The following F11 variants were observed in gnomAD, a reference collection of about 807,000 sequenced individuals.
The protein encoded by F11 is coagulation factor XI, also known as coagualtion factor XI.
Under a neutral mutation model 76.5 loss-of-function variants are expected in F11, and 78 were observed. The ratio of observed to expected loss-of-function variants is 1.02; its 90% CI spans 0.85 to 1.23. F11 has a LOEUF of 1.23. Among genes scored for constraint, F11 ranks in the 50% most tolerant of loss-of-function variants. F11 has a pLI of 0.00. For synonymous variants in F11, 278 were observed against 276.3 expected (o/e 1.01, Z -0.06); for missense variants, 742 against 771.4 (o/e 0.96, Z 0.45).
At chr4:186,278,409 T>C (rs926416717) in intron 7 of F11, among the ~76,000 whole-genome samples, 4 of 152,214 alleles carry the variant, frequency 2.6e-5, no homozygotes, top group Admixed American at 6.5e-5. Context: ...TAGAATTTGT[T>C]TGGTGCTTAT....
At chr4:186,266,348 A>G (rs1203170665) in intron 1 of F11, 53 bp downstream of exon 1, 2 of 152,208 alleles carry the variant, frequency 1.3e-5, no homozygotes, top group Non-Finnish European at 2.9e-5. Flanking sequence ...ATACGCCTTG[A>G]AATGCTTTTT....
chr4:186,275,558 T>C (rs756461266), intron 5 of F11, among the ~76,000 whole-genome samples: 11 of 152,098 alleles, frequency 7.2e-5, no homozygotes, highest in Non-Finnish European at 1.2e-4. Flanking sequence ...CTCTCCTTCT[T>C]CATGTGGTCA....
intron 13 of F11, among the ~76,000 whole-genome samples, chr4:186,286,963 A>C (rs955184464): frequency 5.3e-5 from 8 of 152,096 alleles, no homozygotes; most frequent in Non-Finnish European, 8.8e-5. Flanking sequence ...ATTTTTATAT[A>C]GACATGAGTT....
chr4:186,281,464 A>C (rs1740801457), intron 10 of F11, among the ~76,000 whole-genome samples: 1 of 152,202 alleles, frequency 6.6e-6, no homozygotes, highest in African/African-American at 2.4e-5. Flanking sequence ...GAGACCTGTA[A>C]TAACATAAAA....
At chr4:186,287,198 T>C (rs187206480) in intron 13 of F11, among the ~76,000 whole-genome samples, 2 of 151,866 alleles carry the variant, frequency 1.3e-5, no homozygotes, top group Admixed American at 1.3e-4. Flanking sequence ...ATGGTCTCAA[T>C]CTCCTGACCT....
At chr4:186,283,252 C>CGT (rs10661556) in intron 10 of F11, among the ~76,000 whole-genome samples, 24,499 of 151,386 alleles carry the variant, frequency 0.16, 2,119 homozygotes, top group Middle Eastern at 0.22. Flanking sequence ...TTTGTGTGCA[C>CGT]GTGTGTGTGT....
intron 10 of F11, chr4:186,282,220 T>C (rs1330692801): frequency 4.1e-6 from 4 of 985,346 alleles, no homozygotes; most frequent in Admixed American, 6.1e-5. Context: ...TTCTTCATTA[T>C]GGTTTTCTCT....
Position 186,280,578 on chromosome 4 carries a change from A to G in F11, c.1133A>G (p.Asn378Ser). ...ACATTAAGGTTGTGTAAAATGGATA[A>G]TGGTGAGTATAATGTCACTTGAAAA... ...GYTLRLCKMD[N>S]ECTTKIKPRI... The change falls in exon 10 of 15, where the codon AAT becomes AGT. Residue 378 changes from asparagine (N) to serine (S), a missense_variant and splice_region_variant. Coordinates refer to ENST00000403665, the MANE Select transcript of F11 (RefSeq NM_000128.4). The G allele has an allele frequency of 1.2e-6, 2 of 1,606,270 alleles. No homozygotes were observed. The highest frequency in any genetic ancestry group is 2.2e-5 in the East Asian group (1 of 44,828).
rs1259752583 is a variant in F11 at position 186,272,348 on chromosome 4, A to G, written c.218+577A>G. On this transcript the variant is annotated intron_variant, in intron 3 of 14. Coordinates refer to ENST00000403665, the MANE Select transcript of F11 (RefSeq NM_000128.4). ...CACTATCCTACACAAAAGACATACG[A>G]AATTTAACAAGAATTCCTTTATATT... 2.0e-5 allele frequency among the ~76,000 whole-genome samples: 3 copies of G among 152,208 alleles called. No individual in the cohort carries two copies. The East Asian group carries it at 5.8e-4, about 29-fold the overall frequency.
At chr4:186,289,857 A>G (rs191035255), downstream of F11, among the ~76,000 whole-genome samples, 4 of 152,048 alleles carry the variant, frequency 2.6e-5, no homozygotes, top group Admixed American at 1.3e-4. Context: ...TAATTTTTGT[A>G]TTTTTAGTAG....
chr4:186,267,089 A>C (rs1433409189), intron 1 of F11, 47 bp from the exon 2 acceptor site: 1 of 1,273,510 alleles, frequency 7.9e-7, no homozygotes, highest in East Asian at 2.3e-5. Context: ...ACTAATTATA[A>C]ATTTACATTT....
chr4:186,283,181 G>GCC (rs1740921859), intron 10 of F11: 6 of 365,020 alleles, frequency 1.6e-5, no homozygotes, highest in African/African-American at 2.2e-5. Flanking sequence ...CAACCCACAG[G>GCC]CACATAAATT....
downstream of F11, among the ~76,000 whole-genome samples, chr4:186,290,446 T>C (rs1002804220): frequency 6.6e-6 from 1 of 152,218 alleles, no homozygotes. Context: ...CAATACTATC[T>C]TGTTACTTGC....
At chr4:186,288,428 C>T (rs370469759) in intron 14 of F11, 25 bp from the exon 15 acceptor site, 12 of 1,613,916 alleles carry the variant, frequency 7.4e-6, no homozygotes, top group Middle Eastern at 1.7e-4. Flanking sequence ...ATCTGTGCAC[C>T]TTTTCTTGTC....
Position 186,289,297 on chromosome 4 carries a change from C to G in F11, c.*683C>G, listed in dbSNP as rs1580111581. ...AGGGGCAATCTTGAAGATACACTTTCCTGAAAAATGATTTGTGATGGATTG... is the reference window on the plus strand; with the variant it reads ...AGGGGCAATCTTGAAGATACACTTTGCTGAAAAATGATTTGTGATGGATTG... On this transcript the variant is annotated 3_prime_UTR_variant, in exon 15 of 15. Coordinates refer to ENST00000403665, the MANE Select transcript of F11 (RefSeq NM_000128.4). 6.6e-6 allele frequency among the ~76,000 whole-genome samples: 1 copy of G among 152,082 alleles called. No homozygotes were observed. Among genetic ancestry groups the G allele is most frequent in the Admixed American group, 6.6e-5 (1 of 15,260 alleles).
chr4:186,287,621 CAT>C, intron 13 of F11, 61 bp from the exon 14 acceptor site: 1 of 891,862 alleles, frequency 1.1e-6, no homozygotes, highest in Non-Finnish European at 1.7e-6. Context: ...TATATGTATG[CAT>C]ATATGTTTAT....
intron 1 of F11, among the ~76,000 whole-genome samples, chr4:186,266,618 T>G (rs1394849354): frequency 6.6e-6 from 1 of 152,226 alleles, no homozygotes; most frequent in Non-Finnish European, 1.5e-5. Context: ...GTCTGTTTAA[T>G]GCTTACTGGA....
At chr4:186,276,121 G>A (rs542575650) in intron 6 of F11, 110 bp from the exon 7 acceptor site, 81 of 1,288,104 alleles carry the variant, frequency 6.3e-5, no homozygotes, top group Admixed American at 1.5e-4. Flanking sequence ...AAAATTAAAA[G>A]ATCTTGGGAT....
chr4:186,270,862 A>AATTT (rs1554081766), intron 2 of F11, among the ~76,000 whole-genome samples: 2 of 138,306 alleles, frequency 1.4e-5, no homozygotes, highest in Non-Finnish European at 3.1e-5. Flanking sequence ...CCCAGCTAGT[A>AATTT]TTTTTTTTTT....
Sources: gnomAD v4.1 joint callset for allele counts (sites outside exome capture counted in the v4.1 genomes callset) on GRCh38, gnomAD v4.1.1 for gene constraint, MANE v1.5 for transcripts, NCBI Gene and HGNC (gene_info 2026-07-23, HGNC 2026-07-21) for gene names.